ENAH: variants seen among roughly 807,000 people sequenced by gnomAD.
ENAH encodes protein enabled homolog.
ENAH carries 23 observed loss-of-function variants against 78.7 expected under a neutral mutation model. The ratio of observed to expected loss-of-function variants is 0.29; its 90% CI spans 0.21 to 0.41. The LOEUF (loss-of-function observed/expected upper bound fraction) is 0.41, where lower values mean the gene tolerates loss of function less well. Ranked by LOEUF, ENAH falls within the 10% of genes least tolerant of loss-of-function variation. The pLI is 1.00. For synonymous variants in ENAH, 226 were observed against 241.0 expected, an observed-to-expected ratio of 0.94 and a Z score of 0.58; for missense variants, 544 against 691.0, an observed-to-expected ratio of 0.79 and a Z score of 2.39.
chr1:225,626,694 A>C (rs1217138245), intron 1 of ENAH, among the ~76,000 whole-genome samples: 5 of 152,244 alleles, frequency 3.3e-5, no homozygotes, highest in African/African-American at 7.2e-5. Flanking sequence ...ACAGACTACA[A>C]CACCAAAGAA....
At chr1:225,521,575 A>AG (rs2096468246) in intron 4 of ENAH, among the ~76,000 whole-genome samples, 1 of 146,932 alleles carries the variant, frequency 6.8e-6, no homozygotes, top group South Asian at 2.2e-4. Flanking sequence ...CGGGGAATGG[A>AG]GGTGGCTGTG....
In ENAH at chr1:225,494,166, A is replaced by C. The variant is rs1252683492; in HGVS notation, c.*3609T>G. On this transcript the variant is annotated 3_prime_UTR_variant, in exon 14 of 14. Transcript: ENST00000366843. ...GGAACACGCGGTCCACGAGAAGTGG[A>C]GAGGAGAATGGAGGGGGGAAGGGGA... The C allele has an allele frequency of 3.3e-5, 5 of 150,902 alleles. No homozygotes were observed. The highest frequency in any genetic ancestry group is 7.4e-5 in the Non-Finnish European group (5 of 67,766). The allele number at this position is 150,902 out of a possible 1,614,324, so 9.3% of individuals were successfully genotyped here.
chr1:225,640,264 AT>A (rs1660802826), intron 1 of ENAH, among the ~76,000 whole-genome samples: 1 of 152,146 alleles, frequency 6.6e-6, no homozygotes, highest in East Asian at 1.9e-4. Context: ...CATTCTAATA[AT>A]TTAACACATA....
intron 1 of ENAH, among the ~76,000 whole-genome samples, chr1:225,632,360 T>G (rs529879988): frequency 6.6e-6 from 1 of 152,174 alleles, no homozygotes; most frequent in African/African-American, 2.4e-5. Context: ...TAGTTGGGCA[T>G]AGTGGCAGGC....
At chr1:225,587,681 A>C (rs1299433757) in intron 1 of ENAH, among the ~76,000 whole-genome samples, 9 of 152,168 alleles carry the variant, frequency 5.9e-5, no homozygotes, top group Non-Finnish European at 1.3e-4. Context: ...AAATTCAAAG[A>C]GCACAGAATA....
chr1:225,514,411 C>T (rs185790731), intron 7 of ENAH, among the ~76,000 whole-genome samples, 185 bp downstream of exon 7: 3 of 152,114 alleles, frequency 2.0e-5, no homozygotes, highest in Admixed American at 6.5e-5. Context: ...GTGATCCGCC[C>T]ACCCCAGCCT....
In ENAH at chr1:225,492,083, A is replaced by G. The variant is rs953190311; in HGVS notation, c.*5692T>C. The G allele has an allele frequency of 7.1e-6, 1 of 139,910 alleles. No individual in the cohort carries two copies. The highest frequency in any genetic ancestry group is 1.5e-5 in the Non-Finnish European group (1 of 64,772). 8.7% of individuals were successfully genotyped at this position (139,910 alleles called of 1,614,324 possible). ...CTATGAAAAGCTATATTCTCTTAGA[A>G]TTTTTTTTTTTTTTTTTTAGAGACA... On this transcript the variant is annotated 3_prime_UTR_variant, in exon 14 of 14. Coordinates refer to ENST00000366843, the MANE Select transcript of ENAH (RefSeq NM_018212.6).
At chr1:225,595,200 G>T (rs1269081314) in intron 1 of ENAH, among the ~76,000 whole-genome samples, 8 of 152,124 alleles carry the variant, frequency 5.3e-5, no homozygotes. Flanking sequence ...AGGCATGGTG[G>T]CACGCACCTG....
At chr1:225,593,045 A>C (rs2096884346) in intron 1 of ENAH, among the ~76,000 whole-genome samples, 1 of 152,158 alleles carries the variant, frequency 6.6e-6, no homozygotes, top group South Asian at 2.1e-4. Context: ...AACGAAGTTC[A>C]AAATAGTTTA....
chr1:225,506,682 A>G (rs891944694), intron 11 of ENAH, among the ~76,000 whole-genome samples: 1 of 152,336 alleles, frequency 6.6e-6, no homozygotes, highest in Non-Finnish European at 1.5e-5. Flanking sequence ...AAATATGATC[A>G]TCTTTCAATC....
In ENAH at chr1:225,503,150, A is replaced by AG. The variant is rs1575308795; in HGVS notation, c.1539-2081dup. Among the ~76,000 whole-genome samples the AG allele has an allele frequency of 2.6e-5, 4 of 152,312 alleles. No individual in the cohort carries two copies. In the Middle Eastern group the frequency reaches 0.01, roughly 389 times the overall value. On this transcript the variant is annotated intron_variant, in intron 11 of 13. Transcript: ENST00000366843. ...CACCACCACCATGATAATTAACTAA[A>AG]GGGGGGAACTTTTCATACTGAAGGA...
At chr1:225,640,047 T>C (rs560673369) in intron 1 of ENAH, among the ~76,000 whole-genome samples, 1 of 152,214 alleles carries the variant, frequency 6.6e-6, no homozygotes, top group East Asian at 1.9e-4. Flanking sequence ...CTAACAAAGA[T>C]GAGATTACCA....
At position 225,497,538 on chromosome 1, in the gene ENAH, T is replaced by C; in HGVS notation, c.*237A>G. 2.8e-6 allele frequency: 1 copy of C among 355,860 alleles called. No individual in the cohort carries two copies. 22.0% of individuals were successfully genotyped at this position (355,860 alleles called of 1,614,324 possible). A position where few individuals can be genotyped will look rare whatever the true frequency, so the allele number is the denominator to read the frequency against. On this transcript the variant is annotated 3_prime_UTR_variant, in exon 14 of 14. Transcript: ENST00000366843. ...AACTGTTACAGGAACTCTTAAATGA[T>C]TCTCTTCCATTCTGTTGTAAAGGCC...
intron 1 of ENAH, among the ~76,000 whole-genome samples, chr1:225,582,310 C>T (rs572842188): frequency 1.3e-5 from 2 of 152,330 alleles, no homozygotes; most frequent in South Asian, 4.1e-4. Context: ...AATTAAACTT[C>T]TGTTCTTTAT....
At chr1:225,552,134 CTTTT>C (rs397983036) in intron 3 of ENAH, among the ~76,000 whole-genome samples, 1 of 115,956 alleles carries the variant, frequency 8.6e-6, no homozygotes, top group African/African-American at 3.3e-5. Flanking sequence ...ACTCCTGATT[CTTTT>C]TTTTTTTTTT....
At chr1:225,595,475 A>C (rs964430133) in intron 1 of ENAH, among the ~76,000 whole-genome samples, 8 of 152,198 alleles carry the variant, frequency 5.3e-5, no homozygotes, top group Non-Finnish European at 7.3e-5. Flanking sequence ...AGAAAACCTA[A>C]AGCCAGTCTC....
intron 2 of ENAH, among the ~76,000 whole-genome samples, chr1:225,562,571 C>CAA (rs869309795): frequency 0.021 from 804 of 38,130 alleles, 107 homozygotes; most frequent in Non-Finnish European, 0.029. Context: ...GACTGCGTCT[C>CAA]AAAAAAAAAA....
At position 225,578,737 on chromosome 1, in the gene ENAH, TCA is replaced by T. The variant is rs200746716; in HGVS notation, c.6-11325_6-11324del. ...CACTCTACAACTGTCTATAAATATT[TCA>T]GAGTATTGTTTAACTGTAGGCACAA... On this transcript the variant is annotated intron_variant, in intron 1 of 13. Transcript: ENST00000366843. 6.8e-3 allele frequency among the ~76,000 whole-genome samples: 1,029 copies of T among 152,312 alleles called. 13 individuals are homozygous for T. Among genetic ancestry groups the T allele is most frequent in the African/African-American group, 0.024 (992 of 41,560 alleles).
intron 1 of ENAH, among the ~76,000 whole-genome samples, chr1:225,593,412 GGGGGGTGGGGGGT>G (rs1558874135): frequency 8.4e-6 from 1 of 118,344 alleles, no homozygotes; most frequent in African/African-American, 3.1e-5. Flanking sequence ...GGGGGGGGGG[GGGGGGTGGGGGGT>G]GCCCTAGTAT....
Sources: allele counts gnomAD v4.1 joint callset (sites outside exome capture counted in the v4.1 genomes callset), GRCh38; gene constraint gnomAD v4.1.1; transcripts MANE v1.5; gene names NCBI Gene and HGNC (gene_info 2026-07-23, HGNC 2026-07-21).